The following STAB1 variants were observed in gnomAD, a reference collection of about 807,000 sequenced individuals.
The protein encoded by STAB1 is stabilin-1.
A neutral mutation model predicts 332.4 loss-of-function variants in STAB1; 250 were observed. The ratio of observed to expected loss-of-function variants is 0.75; its 90% CI spans 0.68 to 0.84. The LOEUF (loss-of-function observed/expected upper bound fraction) is 0.84. Ranked by LOEUF, STAB1 falls within the 40% of genes least tolerant of loss-of-function variation. STAB1 has a pLI of 0.00. For synonymous variants in STAB1, 1,475 were observed against 1,390.4 expected, an observed-to-expected ratio of 1.06 and a Z score of -1.35; for missense variants, 3,249 against 3,489.7, an observed-to-expected ratio of 0.93 and a Z score of 1.74.
intron 50 of STAB1, 106 bp from the exon 51 acceptor site, chr3:52,519,838 G>T: frequency 2.2e-6 from 3 of 1,369,632 alleles, no homozygotes; most frequent in South Asian, 2.8e-5. Flanking sequence ...ACAGATGAGT[G>T]TGGGTGAGTG....
intron 8 of STAB1, 116 bp downstream of exon 8, chr3:52,503,656 G>A (rs1708619444): frequency 1.3e-6 from 2 of 1,563,642 alleles, no homozygotes; most frequent in African/African-American, 2.7e-5. Context: ...TGTAAAGTGG[G>A]GAGAGGATAA....
In STAB1 at chr3:52,517,576, C is replaced by T. The variant is rs1264736613; in HGVS notation, c.4590C>T (p.Tyr1530=). 6.2e-7 allele frequency: 1 copy of T among 1,612,952 alleles called. No homozygotes were observed. Among genetic ancestry groups the T allele is most frequent in the East Asian group, 2.2e-5 (1 of 44,868 alleles). Residue 1530 remains tyrosine, a synonymous_variant, in exon 44 of 69, where the codon TAC becomes TAT. Transcript: ENST00000321725. ...QQVSCSCREG[Y]SGDGIRTCEL... The stretch of plus-strand genomic sequence containing the variant: ...TCTCCTGCAGCTGCCGTGAGGGTTA[C>T]AGCGGGGATGGCATCCGGACCTGCG...
intron 23 of STAB1, 37 bp from the exon 24 acceptor site, chr3:52,510,105 G>C (rs778266135): frequency 6.2e-7 from 1 of 1,613,734 alleles, no homozygotes; most frequent in Non-Finnish European, 8.5e-7. Context: ...TTTCATACCT[G>C]AGGCTCACTG....
At position 52,515,049 on chromosome 3, in the gene STAB1, A is replaced by G. The variant is rs2078812783; in HGVS notation, c.3864+4A>G. On this transcript the variant is annotated splice_donor_region_variant and intron_variant, in intron 36 of 68. Coordinates refer to ENST00000321725, the MANE Select transcript of STAB1 (RefSeq NM_015136.3). ...CACTCAGGGCTTCCAGCTGCAGGTG[A>G]GACTGGGCTTAGCGCAGCTCTGTCC... The G allele has an allele frequency of 6.2e-7, 1 of 1,613,394 alleles. No individual in the cohort carries two copies.
intron 42 of STAB1, 98 bp downstream of exon 42, chr3:52,517,207 TGTG>T (rs1256522334): frequency 4.1e-6 from 6 of 1,470,488 alleles, no homozygotes; most frequent in Admixed American, 2.5e-5. Context: ...ACATGGGACT[TGTG>T]GGGACTGGGG....
chr3:52,524,157 C>T lies in STAB1; in HGVS notation c.7600C>T (p.Leu2534=), dbSNP rs1036917606. 3 of 1,614,066 alleles carry T rather than the reference C, an allele frequency of 1.9e-6. No homozygotes were observed. The highest frequency in any genetic ancestry group is 2.5e-6 in the Non-Finnish European group (3 of 1,180,040). Residue 2534 remains leucine, a synonymous_variant, in exon 68 of 69, where the codon CTG becomes TTG. Transcript: ENST00000321725. ...SPWQEGTNPT[L]VSVPNPVFGS... is the part of the protein sequence containing the mutation. ...GTGGCAAGAAGGGACCAACCCCACC[C>T]TGGTCTCTGTCCCCAACCCTGTCTT...
rs770506661 is a variant in STAB1 at position 52,520,383 on chromosome 3, A to C, written c.5500-17A>C. 1.9e-6 allele frequency: 3 copies of C among 1,612,230 alleles called. No homozygotes were observed. Reference sequence around the variant, plus strand: ...TGCACCTGCGACCCTTGCATACCTCATATTCTCTCCTTGCAGGGTGAGCTC... The same window carrying C: ...TGCACCTGCGACCCTTGCATACCTCCTATTCTCTCCTTGCAGGGTGAGCTC... On this transcript the variant is annotated splice_polypyrimidine_tract_variant and intron_variant, in intron 52 of 68. Transcript: ENST00000321725.
In STAB1 at chr3:52,504,166, C is replaced by A; in HGVS notation, c.1150+11C>A. ...CCGTGGCCATGATGGGTGCGTGACC[C>A]CACTGCTTGCCCACGACCCGACCCC... On this transcript the variant is annotated intron_variant, in intron 10 of 68. Coordinates refer to ENST00000321725, the MANE Select transcript of STAB1 (RefSeq NM_015136.3). 1 of 1,581,102 alleles carries A rather than the reference C, an allele frequency of 6.3e-7. No homozygotes were observed. Among genetic ancestry groups the A allele is most frequent in the East Asian group, 2.3e-5 (1 of 43,502 alleles).
rs1479830830 is a variant in STAB1 at position 52,522,972 on chromosome 3, T to C, written c.6910+32T>C. 5 of 1,602,734 alleles carry C rather than the reference T, an allele frequency of 3.1e-6. No individual in the cohort carries two copies. In the South Asian group the frequency reaches 3.3e-5, roughly 11 times the overall value. ...CCACCCGACCAAACCCTACTTCCCC[T>C]GCTCTGCCCCTTCCCACCAATCTGC... On this transcript the variant is annotated intron_variant, in intron 62 of 68. Transcript: ENST00000321725.
rs752240327 is a variant in STAB1 at position 52,523,445 on chromosome 3, T to G, written c.7159T>G (p.Leu2387Val). ...VDNMTLSGPD[L>V]ELHASNATLL... ...CTCACAGACGCTGAGTGGCCCAGACTTGGAGCTGCATGCCTCCAACGCCAC... is the reference window on the plus strand; with the variant it reads ...CTCACAGACGCTGAGTGGCCCAGACGTGGAGCTGCATGCCTCCAACGCCAC... The change falls in exon 65 of 69, where the codon TTG becomes GTG. Residue 2387 changes from leucine to valine, a missense_variant. Coordinates refer to ENST00000321725, the MANE Select transcript of STAB1 (RefSeq NM_015136.3). 6.2e-7 allele frequency: 1 copy of G among 1,609,328 alleles called. No individual in the cohort carries two copies. Among genetic ancestry groups the G allele is most frequent in the Non-Finnish European group, 8.5e-7 (1 of 1,177,348 alleles).
In STAB1 at chr3:52,511,701, C is replaced by G. The variant is rs1256191509; in HGVS notation, c.2839C>G (p.Pro947Ala). The change falls in exon 26 of 69, where the codon CCC becomes GCC. Residue 947 changes from proline to alanine, a missense_variant. Transcript: ENST00000321725. ...GFAGDGYQCS[P>A]IDPCRAGNGG... ...TGCCGGGGATGGCTACCAGTGCAGC[C>G]CCATCGACCCCTGCCGGGCAGGCAA... is the stretch of plus-strand genomic sequence containing the variant. 2 of 1,608,750 alleles carry G rather than the reference C, an allele frequency of 1.2e-6. No individual in the cohort carries two copies. The highest frequency in any genetic ancestry group is 1.7e-6 in the Non-Finnish European group (2 of 1,177,326).
Position 52,513,780 on chromosome 3 carries a change from CA to C in STAB1, c.3335del (p.His1112ProfsTer118). ...CCTCCTTGCCACCAACGGTGTCCTA[CA>C]CATCCTCAGCCAGGTACAGCAGGAG... ...ADLLATNGVL[H>X]ILSQVLLPPR... On this transcript the variant is annotated frameshift_variant, in exon 31 of 69. Coordinates refer to ENST00000321725, the MANE Select transcript of STAB1 (RefSeq NM_015136.3). LOFTEE classifies it high-confidence loss of function. 6.2e-7 allele frequency: 1 copy of C among 1,613,468 alleles called. No individual in the cohort carries two copies. The highest frequency in any genetic ancestry group is 8.5e-7 in the Non-Finnish European group (1 of 1,180,012).
Position 52,510,449 on chromosome 3 carries a change from T to C in STAB1, c.2729T>C (p.Leu910Pro). 1 of 1,613,680 alleles carries C rather than the reference T, an allele frequency of 6.2e-7. No homozygotes were observed. Residue 910 changes from leucine (L) to proline (P), a missense_variant, in exon 25 of 69, where the codon CTG (leucine) becomes CCG (proline). By Grantham distance (98) the Leu-to-Pro change is moderately conservative. Coordinates refer to ENST00000321725, the MANE Select transcript of STAB1 (RefSeq NM_015136.3). ...RVCVAIDECE[L>P]DMRGGCHTDA... ...TGTGTGGCTATTGACGAGTGTGAGCTGGACATGAGAGGTGGCTGCCACACC... is the reference window on the plus strand; with the variant it reads ...TGTGTGGCTATTGACGAGTGTGAGCCGGACATGAGAGGTGGCTGCCACACC...
chr3:52,513,783 A>G lies in STAB1; in HGVS notation c.3337A>G (p.Ile1113Val). The change falls in exon 31 of 69, where the codon ATC becomes GTC. Residue 1113 changes from isoleucine (I) to valine (V), a missense_variant. Physicochemically the swap from Ile to Val is conservative, Grantham distance 29. Transcript: ENST00000321725. ...CCTTGCCACCAACGGTGTCCTACACATCCTCAGCCAGGTACAGCAGGAGGA... is the reference window on the plus strand; with the variant it reads ...CCTTGCCACCAACGGTGTCCTACACGTCCTCAGCCAGGTACAGCAGGAGGA... ...DLLATNGVLH[I>V]LSQVLLPPRG... The G allele has an allele frequency of 1.2e-6, 2 of 1,613,386 alleles. No homozygotes were observed. Among genetic ancestry groups the G allele is most frequent in the Non-Finnish European group, 1.7e-6 (2 of 1,179,978 alleles).
chr3:52,515,166 C>CTG, intron 36 of STAB1, 121 bp downstream of exon 36: 1 of 1,304,748 alleles, frequency 7.7e-7, no homozygotes, highest in Non-Finnish European at 1.1e-6. Flanking sequence ...GCTCAGGGAA[C>CTG]TGGGTGGCTG....
chr3:52,497,215 C>T (rs759287295), intron 1 of STAB1, among the ~76,000 whole-genome samples: 1 of 151,936 alleles, frequency 6.6e-6, no homozygotes, highest in South Asian at 2.1e-4. Flanking sequence ...GTCTGTAACT[C>T]CTGACCTCAG....
rs1356664381 is a variant in STAB1 at position 52,521,393 on chromosome 3, G to T, written c.5941G>T (p.Asp1981Tyr). ...CPGGPSSPCS[D>Y]RGVCMDGMSG... ...TGGCGGCCCCAGCAGCCCTTGTAGT[G>T]ACCGTGGCGTGTGCATGGACGGCAT... The change falls in exon 56 of 69, where the codon GAC (aspartate) becomes TAC (tyrosine). Residue 1981 changes from aspartate to tyrosine, a missense_variant. Asp to Tyr is a radical substitution (Grantham distance 160). Transcript: ENST00000321725. The T allele has an allele frequency of 1.9e-6, 3 of 1,614,002 alleles. No individual in the cohort carries two copies. The highest frequency in any genetic ancestry group is 2.5e-6 in the Non-Finnish European group (3 of 1,180,022).
chr3:52,501,198 G>A lies in STAB1; in HGVS notation c.111G>A (p.Thr37=), dbSNP rs141812221. The A allele has an allele frequency of 5.6e-6, 9 of 1,613,508 alleles. No individual in the cohort carries two copies. Among genetic ancestry groups the A allele is most frequent in the South Asian group, 1.1e-5 (1 of 91,084 alleles). The change falls in exon 2 of 69, where the codon ACG becomes ACA. Residue 37 remains threonine (T), a synonymous_variant. Transcript: ENST00000321725. ...VLFKGCDVKT[T]FVTHVPCTSC... is the part of the protein sequence containing the mutation. ...TCAAAGGCTGTGATGTGAAAACCAC[G>A]TTTGTCACTCATGTACCCTGCACCT... is the stretch of plus-strand genomic sequence containing the variant.
In STAB1 at chr3:52,520,237, C is replaced by T. The variant is rs757897287; in HGVS notation, c.5446C>T (p.Leu1816Phe). 9.9e-6 allele frequency: 16 copies of T among 1,613,176 alleles called. No individual in the cohort carries two copies. In the South Asian group the frequency reaches 1.8e-4, roughly 18 times the overall value. The change falls in exon 52 of 69, where the codon CTT (leucine) becomes TTT (phenylalanine). Residue 1816 changes from leucine to phenylalanine, a missense_variant. Coordinates refer to ENST00000321725, the MANE Select transcript of STAB1 (RefSeq NM_015136.3). The part of the protein sequence containing the change: ...LASDLPNLGP[L>F]RTMHGTPISF... Reference sequence around the variant, plus strand: ...ATCTGACCTGCCCAACCTGGGCCCACTTCGAACCATGCATGGGACCCCCAT... The same window carrying T: ...ATCTGACCTGCCCAACCTGGGCCCATTTCGAACCATGCATGGGACCCCCAT...
Sources: gnomAD v4.1 joint callset for allele counts (sites outside exome capture counted in the v4.1 genomes callset) on GRCh38, gnomAD v4.1.1 for gene constraint, MANE v1.5 for transcripts, NCBI Gene and HGNC (gene_info 2026-07-23, HGNC 2026-07-21) for gene names.